CBLN2: variants seen among roughly 807,000 people sequenced by gnomAD.
CBLN2 encodes the protein cerebellin-2.
In CBLN2, 7 loss-of-function variants were observed where a neutral mutation model predicts 15.0. The ratio of observed to expected loss-of-function variants is 0.47; its 90% CI spans 0.27 to 0.88. CBLN2 has a LOEUF of 0.88. Among genes scored for constraint, CBLN2 ranks in the 40% least tolerant of loss-of-function variants. CBLN2 has a pLI of 0.14. For synonymous variants in CBLN2, 149 were observed against 135.2 expected, an observed-to-expected ratio of 1.10 and a Z score of -0.71; for missense variants, 242 against 304.5, an observed-to-expected ratio of 0.79 and a Z score of 1.53.
chr18:72,537,456 T>C lies in CBLN2; in HGVS notation c.*720A>G, dbSNP rs66925706. ...TCCAGGAATTCTATATTTTCTCTCC[T>C]CAACCCCAGCAAGAAAAATAAAAGT... On this transcript the variant is annotated 3_prime_UTR_variant, in exon 5 of 5. Coordinates refer to ENST00000269503, the MANE Select transcript of CBLN2 (RefSeq NM_182511.4). The C allele has an allele frequency of 0.056, 8,564 of 152,516 alleles. 918 individuals carry two copies. The highest frequency in any genetic ancestry group is 0.54 in the East Asian group (2,753 of 5,144). 9.4% of individuals were successfully genotyped at this position (152,516 alleles called of 1,614,324 possible). A position where few individuals can be genotyped will look rare whatever the true frequency, so the allele number is the denominator to read the frequency against.
intron 1 of CBLN2, among the ~76,000 whole-genome samples, chr18:72,579,299 C>A (rs2069387982): frequency 6.6e-6 from 1 of 152,116 alleles, no homozygotes; most frequent in Non-Finnish European, 1.5e-5. Context: ...TAAATATATA[C>A]ATATATAACT....
At chr18:72,608,020 C>A (rs1337905770) in intron 1 of CBLN2, among the ~76,000 whole-genome samples, 2 of 152,194 alleles carry the variant, frequency 1.3e-5, no homozygotes, top group African/African-American at 2.4e-5. Flanking sequence ...AACTTCTTAT[C>A]TATTTTCCAC....
intron 1 of CBLN2, among the ~76,000 whole-genome samples, chr18:72,610,050 C>T (rs35222995): frequency 0.33 from 49,873 of 152,088 alleles, 9,913 homozygotes; most frequent in Non-Finnish European, 0.45. Context: ...AACCCAGGGC[C>T]ACCCACACTT....
chr18:72,626,052 A>G (rs1038868259), intron 1 of CBLN2, among the ~76,000 whole-genome samples: 1 of 151,786 alleles, frequency 6.6e-6, no homozygotes, highest in Non-Finnish European at 1.5e-5. Flanking sequence ...AGTGAGAGCA[A>G]CGTCTCCATA....
chr18:72,564,023 G>GACACT (rs2069278233), intron 1 of CBLN2, among the ~76,000 whole-genome samples: 1 of 152,128 alleles, frequency 6.6e-6, no homozygotes, highest in African/African-American at 2.4e-5. Context: ...TTACCCAACT[G>GACACT]ACACTGTAAA....
chr18:72,542,235 C>A lies in CBLN2; in HGVS notation c.-75G>T. 4 of 1,021,038 alleles carry A rather than the reference C, an allele frequency of 3.9e-6. No individual in the cohort carries two copies. The highest frequency in any genetic ancestry group is 4.9e-6 in the Non-Finnish European group (4 of 817,522). 63.2% of individuals were successfully genotyped at this position (1,021,038 alleles called of 1,614,324 possible). A position where few individuals can be genotyped will look rare whatever the true frequency, so the allele number is the denominator to read the frequency against. On this transcript the variant is annotated 5_prime_UTR_variant, in exon 3 of 5. Coordinates refer to ENST00000269503, the MANE Select transcript of CBLN2 (RefSeq NM_182511.4). The stretch of plus-strand genomic sequence containing the variant: ...AGCGGCGCGGAAGGGCGCGAAGGAA[C>A]GCGCGGAGCTCGCAGCAGCCTCCGG...
chr18:72,605,069 G>A (rs891560761), intron 1 of CBLN2, among the ~76,000 whole-genome samples: 1 of 152,130 alleles, frequency 6.6e-6, no homozygotes, highest in Non-Finnish European at 1.5e-5. Flanking sequence ...TTTGGTTCTT[G>A]TCATATCTAA....
intron 1 of CBLN2, among the ~76,000 whole-genome samples, chr18:72,589,055 T>G (rs936354176): frequency 2.6e-5 from 4 of 152,136 alleles, no homozygotes; most frequent in African/African-American, 9.7e-5. Flanking sequence ...TGATTTTGCA[T>G]AGATCACCTC....
At chr18:72,599,115 TC>T (rs1356559172) in intron 1 of CBLN2, among the ~76,000 whole-genome samples, 4 of 152,202 alleles carry the variant, frequency 2.6e-5, no homozygotes, top group Non-Finnish European at 4.4e-5. Context: ...TCTGGAGGCT[TC>T]TATTTGGCCA....
At chr18:72,563,039 A>C (rs2069271757) in intron 1 of CBLN2, among the ~76,000 whole-genome samples, 1 of 152,240 alleles carries the variant, frequency 6.6e-6, no homozygotes, top group Non-Finnish European at 1.5e-5. Flanking sequence ...TCTCATTAAA[A>C]TCAGCACATA....
chr18:72,576,428 C>A (rs11661617), intron 1 of CBLN2, among the ~76,000 whole-genome samples: 87,003 of 151,998 alleles, frequency 0.57, 29,556 homozygotes, highest in East Asian at 0.8. Flanking sequence ...AGTGTGCAGC[C>A]GGTTATATCA....
intron 1 of CBLN2, among the ~76,000 whole-genome samples, chr18:72,554,323 T>G (rs2069210236): frequency 6.6e-6 from 1 of 152,082 alleles, no homozygotes; most frequent in East Asian, 1.9e-4. Flanking sequence ...AAATAAACAT[T>G]TTCTTTAACC....
At position 72,542,017 on chromosome 18, in the gene CBLN2, G is replaced by A; in HGVS notation, c.144C>T (p.Pro48=). The A allele has an allele frequency of 1.3e-6, 2 of 1,596,806 alleles. No homozygotes were observed. The highest frequency in any genetic ancestry group is 1.1e-5 in the South Asian group (1 of 89,630). The part of the protein sequence containing the change: ...LLLLLLPACC[P]VRAQNDTEPI... ...GCTCCGTGTCGTTCTGCGCCCGCACGGGGCAGCAGGCGGGCAGTAGCAGCA... is the reference window on the plus strand; with the variant it reads ...GCTCCGTGTCGTTCTGCGCCCGCACAGGGCAGCAGGCGGGCAGTAGCAGCA... The change falls in exon 3 of 5, where the codon CCC becomes CCT. Residue 48 remains proline, a synonymous_variant. Transcript: ENST00000269503.
chr18:72,601,028 C>T (rs1183884118), intron 1 of CBLN2, among the ~76,000 whole-genome samples: 9 of 152,152 alleles, frequency 5.9e-5, no homozygotes, highest in Non-Finnish European at 8.8e-5. Flanking sequence ...GGGGAAGTCA[C>T]GTATCTCGTG....
intron 1 of CBLN2, among the ~76,000 whole-genome samples, chr18:72,598,743 C>T (rs560868433): frequency 2.0e-4 from 30 of 152,306 alleles, no homozygotes; most frequent in East Asian, 7.7e-4. Flanking sequence ...CTCAGATGGA[C>T]GATTTGCCTC....
intron 1 of CBLN2, among the ~76,000 whole-genome samples, chr18:72,565,050 A>G (rs910646487): frequency 2.6e-5 from 4 of 152,256 alleles, no homozygotes; most frequent in African/African-American, 7.2e-5. Context: ...GCTATCCTTC[A>G]TAAATGAAGT....
At position 72,590,289 on chromosome 18, in the gene CBLN2, A is replaced by C. The variant is rs35136800; in HGVS notation, c.15+48036T>G. Among the ~76,000 whole-genome samples, 1,325 of 150,162 alleles carry C rather than the reference A, an allele frequency of 8.8e-3. 19 individuals are homozygous for C. The highest frequency in any genetic ancestry group is 0.036 in the East Asian group (180 of 5,070). Reference sequence around the variant, plus strand: ...CAAAAAAACAAAAAACAAAAACAAAAAAAAAAAATTAGCCAGGCATGGTGG... The same window carrying C: ...CAAAAAAACAAAAAACAAAAACAAACAAAAAAAATTAGCCAGGCATGGTGG... On this transcript the variant is annotated intron_variant, in intron 1 of 2. Coordinates refer to the CBLN2 transcript ENST00000581073.
rs138665227 is a variant in CBLN2, at chr18:72,596,083, G to T, written c.15+42242C>A. Among the ~76,000 whole-genome samples the T allele has an allele frequency of 6.6e-5, 10 of 152,074 alleles. No homozygotes were observed. The East Asian group carries it at 1.9e-3, about 29-fold the overall frequency. ...CCTGCCATTTTGTTACTTTTTTACT[G>T]GTTGTTTTGTGGTCTTCTCTTCCTT... On this transcript the variant is annotated intron_variant, in intron 1 of 2. Transcript: ENST00000581073.
At chr18:72,549,221 A>G (rs897271400), upstream of CBLN2, among the ~76,000 whole-genome samples, 1 of 152,250 alleles carries the variant, frequency 6.6e-6, no homozygotes, top group Admixed American at 6.5e-5. Flanking sequence ...CATGTTGGCC[A>G]GGCTGGTCTG....
Sources: gnomAD v4.1 joint callset for allele counts (sites outside exome capture counted in the v4.1 genomes callset) on GRCh38, gnomAD v4.1.1 for gene constraint, MANE v1.5 for transcripts, NCBI Gene and HGNC (gene_info 2026-07-23, HGNC 2026-07-21) for gene names.